LRRTM4: variants seen among roughly 807,000 people sequenced by gnomAD.
LRRTM4 encodes the protein leucine rich repeat transmembrane neuronal 4, also known as leucine-rich repeat transmembrane neuronal protein 4.
A neutral mutation model predicts 47.6 loss-of-function variants in LRRTM4; 25 were observed. The observed-to-expected ratio is 0.53, with a 90% CI of 0.38 to 0.73. The LOEUF (loss-of-function observed/expected upper bound fraction) is 0.73. Ranked by LOEUF, LRRTM4 falls within the 30% of genes least tolerant of loss-of-function variation. The pLI, the probability that LRRTM4 is intolerant of heterozygous loss-of-function variation, is 0.00. For synonymous variants in LRRTM4, 311 were observed against 269.5 expected (o/e 1.15, Z -1.51); for missense variants, 638 against 713.4 (o/e 0.89, Z 1.20).
chr2:77,223,071 A>G (rs1301768400), intron 3 of LRRTM4, among the ~76,000 whole-genome samples: 1 of 152,154 alleles, frequency 6.6e-6, no homozygotes, highest in Non-Finnish European at 1.5e-5. Flanking sequence ...ATCAATAAAC[A>G]TAATCCAGCA....
intron 3 of LRRTM4, among the ~76,000 whole-genome samples, chr2:77,408,185 C>G (rs1243293717): frequency 6.6e-6 from 1 of 152,158 alleles, no homozygotes; most frequent in Non-Finnish European, 1.5e-5. Flanking sequence ...ATCCTGCCCC[C>G]CAGGGGGAGT....
intron 3 of LRRTM4, among the ~76,000 whole-genome samples, chr2:76,809,652 T>C (rs1222153408): frequency 6.6e-6 from 1 of 152,188 alleles, no homozygotes; most frequent in Admixed American, 6.6e-5. Flanking sequence ...CCATGCACTC[T>C]TCTGCTTAGT....
intron 3 of LRRTM4, among the ~76,000 whole-genome samples, chr2:77,417,500 C>T (rs911393564): frequency 2.6e-5 from 4 of 152,080 alleles, no homozygotes; most frequent in African/African-American, 4.8e-5. Context: ...CCCAAATGTC[C>T]AACAATGATC....
chr2:76,930,757 T>C (rs568844160), intron 3 of LRRTM4, among the ~76,000 whole-genome samples: 4 of 152,268 alleles, frequency 2.6e-5, no homozygotes, highest in South Asian at 4.1e-4. Context: ...CTTCCTGACC[T>C]TAACCTCCTA....
chr2:77,104,917 G>A (rs1671057168), intron 3 of LRRTM4, among the ~76,000 whole-genome samples: 1 of 152,054 alleles, frequency 6.6e-6, no homozygotes, highest in Non-Finnish European at 1.5e-5. Context: ...GATAAGGAGG[G>A]AGCCAGACTG....
intron 3 of LRRTM4, among the ~76,000 whole-genome samples, chr2:77,263,555 C>T (rs1371653450): frequency 6.6e-6 from 1 of 152,036 alleles, no homozygotes; most frequent in African/African-American, 2.4e-5. Flanking sequence ...TGGTAGGACA[C>T]CCAGCCGGTG....
chr2:76,902,348 T>TA (rs1306406357), intron 3 of LRRTM4, among the ~76,000 whole-genome samples: 6 of 152,024 alleles, frequency 3.9e-5, no homozygotes, highest in Admixed American at 1.3e-4. Context: ...AACCATGATT[T>TA]AAAAAAAATA....
chr2:76,811,657 A>G (rs1428209373), intron 3 of LRRTM4, among the ~76,000 whole-genome samples: 2 of 152,168 alleles, frequency 1.3e-5, no homozygotes, highest in African/African-American at 4.8e-5. Context: ...AGAGAGTTGT[A>G]AACACCAAAA....
chr2:77,461,890 T>C (rs17014128), intron 3 of LRRTM4, among the ~76,000 whole-genome samples: 26,395 of 152,092 alleles, frequency 0.17, 2,455 homozygotes, highest in South Asian at 0.31. Context: ...CTTTGTCTGC[T>C]TTCTTTTAGC....
At chr2:77,178,542 C>T (rs901734051) in intron 3 of LRRTM4, among the ~76,000 whole-genome samples, 24 of 151,910 alleles carry the variant, frequency 1.6e-4, no homozygotes, top group African/African-American at 3.6e-4. Context: ...GTCAAGATCG[C>T]GCCACTGCAC....
At chr2:77,077,404 G>T (rs920040975) in intron 3 of LRRTM4, among the ~76,000 whole-genome samples, 1 of 152,116 alleles carries the variant, frequency 6.6e-6, no homozygotes, top group Non-Finnish European at 1.5e-5. Context: ...GATAGTACAA[G>T]TCAGACATAT....
chr2:77,076,913 C>T (rs965536797), intron 3 of LRRTM4, among the ~76,000 whole-genome samples: 1 of 152,108 alleles, frequency 6.6e-6, no homozygotes, highest in African/African-American at 2.4e-5. Flanking sequence ...TGTTAAGAAG[C>T]ATCCTTTTCT....
At chr2:77,157,040 A>G (rs1181967361) in intron 3 of LRRTM4, among the ~76,000 whole-genome samples, 2 of 152,152 alleles carry the variant, frequency 1.3e-5, no homozygotes, top group Non-Finnish European at 2.9e-5. Flanking sequence ...TAAATATACA[A>G]GTTATTAAAC....
intron 3 of LRRTM4, among the ~76,000 whole-genome samples, chr2:77,100,336 C>T (rs911110574): frequency 2.6e-5 from 4 of 152,146 alleles, no homozygotes; most frequent in Non-Finnish European, 5.9e-5. Context: ...CAGCAACTAA[C>T]AATGTAAAAA....
intron 3 of LRRTM4, among the ~76,000 whole-genome samples, chr2:77,189,421 C>T (rs973125455): frequency 2.0e-5 from 3 of 152,150 alleles, no homozygotes; most frequent in African/African-American, 7.2e-5. Context: ...ACTTCCTATA[C>T]TGAGATCCTA....
At chr2:77,155,777 A>C (rs954531666) in intron 3 of LRRTM4, among the ~76,000 whole-genome samples, 2 of 152,146 alleles carry the variant, frequency 1.3e-5, no homozygotes, top group Non-Finnish European at 2.9e-5. Context: ...AATGGTCCAA[A>C]GTTACAGTTT....
intron 3 of LRRTM4, among the ~76,000 whole-genome samples, chr2:76,975,816 C>A (rs1370547931): frequency 6.6e-6 from 1 of 151,580 alleles, no homozygotes; most frequent in Non-Finnish European, 1.5e-5. Context: ...GTCTTATACT[C>A]TCTTATTTAT....
intron 3 of LRRTM4, among the ~76,000 whole-genome samples, chr2:76,765,749 G>A (rs1673430795): frequency 6.6e-6 from 1 of 152,154 alleles, no homozygotes; most frequent in African/African-American, 2.4e-5. Context: ...AGCCTCTGTT[G>A]TTTAAGCCAA....
intron 3 of LRRTM4, among the ~76,000 whole-genome samples, chr2:77,460,697 T>A (rs1180557959): frequency 1.3e-5 from 2 of 152,166 alleles, no homozygotes; most frequent in Admixed American, 1.3e-4. Context: ...GATAATATTT[T>A]AAGTATTTGA....
Sources: gnomAD v4.1 joint callset for allele counts (sites outside exome capture counted in the v4.1 genomes callset) on GRCh38, gnomAD v4.1.1 for gene constraint, MANE v1.5 for transcripts, NCBI Gene and HGNC (gene_info 2026-07-23, HGNC 2026-07-21) for gene names.